The following TOGARAM2 variants were observed in gnomAD, a reference collection of about 807,000 sequenced individuals.
TOGARAM2 encodes the protein TOG array regulator of axonemal microtubules protein 2.
A neutral mutation model predicts 93.3 loss-of-function variants in TOGARAM2; 85 were observed. The observed-to-expected ratio is 0.91, with a 90% CI of 0.76 to 1.09. The LOEUF (loss-of-function observed/expected upper bound fraction) is 1.09, where lower values mean the gene tolerates loss of function less well. TOGARAM2 is among the 50% of genes least tolerant of loss of function. The probability of loss-of-function intolerance (pLI) is 0.00; values close to 1 mark genes in which losing one functional copy is unlikely to be tolerated. For missense variants in TOGARAM2, 1,277 were observed against 1,334.5 expected, an observed-to-expected ratio of 0.96 and a Z score of 0.67; for synonymous variants, 593 against 552.8, an observed-to-expected ratio of 1.07 and a Z score of -1.02.
chr2:28,967,626 A>G (rs2148218830), intron 1 of TOGARAM2, among the ~76,000 whole-genome samples: 1 of 152,176 alleles, frequency 6.6e-6, no homozygotes, highest in Admixed American at 6.5e-5. Context: ...CTTTTCCTAT[A>G]AAGAAATTAA....
At chr2:29,038,125 G>T (rs1666228213) in intron 18 of TOGARAM2, among the ~76,000 whole-genome samples, 1 of 152,138 alleles carries the variant, frequency 6.6e-6, no homozygotes, top group Non-Finnish European at 1.5e-5. Flanking sequence ...CTTATTTGGG[G>T]CCCTGTTGTA....
chr2:29,033,615 G>A (rs1665911748), intron 16 of TOGARAM2, 52 bp downstream of exon 16: 4 of 1,557,284 alleles, frequency 2.6e-6, no homozygotes, highest in East Asian at 2.3e-5. Context: ...TCTGACAGAG[G>A]CATCCTGCTT....
intron 18 of TOGARAM2, among the ~76,000 whole-genome samples, chr2:29,044,189 G>A (rs1666601605): frequency 6.6e-6 from 1 of 152,224 alleles, no homozygotes; most frequent in African/African-American, 2.4e-5. Flanking sequence ...GCTGGGATTG[G>A]GGGCGGGCAC....
chr2:29,027,271 C>T (rs1459947484), intron 14 of TOGARAM2, among the ~76,000 whole-genome samples: 2 of 152,162 alleles, frequency 1.3e-5, no homozygotes, highest in Non-Finnish European at 2.9e-5. Context: ...CTTGTTTCTA[C>T]CTCACCGCAG....
intron 6 of TOGARAM2, among the ~76,000 whole-genome samples, chr2:29,010,794 T>G (rs1190483781): frequency 6.6e-6 from 1 of 152,154 alleles, no homozygotes; most frequent in Non-Finnish European, 1.5e-5. Flanking sequence ...TGACACATAG[T>G]AGGTCTTCAG....
At chr2:29,036,819 T>C (rs1666144079) in intron 18 of TOGARAM2, 62 bp downstream of exon 18, 1 of 1,509,498 alleles carries the variant, frequency 6.6e-7, no homozygotes, top group Non-Finnish European at 9.1e-7. Flanking sequence ...TGCTTGGAAA[T>C]CTGCAAGGTG....
chr2:28,984,259 T>G (rs1384855821), intron 1 of TOGARAM2, among the ~76,000 whole-genome samples: 1 of 152,014 alleles, frequency 6.6e-6, no homozygotes, highest in African/African-American at 2.4e-5. Flanking sequence ...AAAATGTCCC[T>G]CCACAGAAGC....
intron 8 of TOGARAM2, among the ~76,000 whole-genome samples, chr2:29,016,382 CA>C (rs1215213256): frequency 6.6e-6 from 1 of 152,168 alleles, no homozygotes. Context: ...CCTTCCCGTG[CA>C]GCAGCTGGCA....
At chr2:29,029,452 A>T (rs1334813927) in intron 14 of TOGARAM2, among the ~76,000 whole-genome samples, 1 of 152,240 alleles carries the variant, frequency 6.6e-6, no homozygotes, top group Non-Finnish European at 1.5e-5. Context: ...ATGAGGATGC[A>T]AGGGCATAAG....
intron 1 of TOGARAM2, among the ~76,000 whole-genome samples, chr2:28,992,199 A>G (rs763453013): frequency 2.6e-5 from 4 of 152,124 alleles, no homozygotes; most frequent in Non-Finnish European, 5.9e-5. Flanking sequence ...GATATGGATC[A>G]TTCAGTTCCT....
chr2:28,962,911 C>T (rs1572615072), intron 1 of TOGARAM2, among the ~76,000 whole-genome samples: 1 of 151,592 alleles, frequency 6.6e-6, no homozygotes, highest in South Asian at 2.1e-4. Context: ...AAGCCCGGAT[C>T]TCCTGGGCTC....
intron 16 of TOGARAM2, among the ~76,000 whole-genome samples, chr2:29,033,903 C>A (rs1665929834): frequency 6.6e-6 from 1 of 152,070 alleles, no homozygotes; most frequent in African/African-American, 2.4e-5. Context: ...CTTTAACCAC[C>A]AGAGTGGCCA....
chr2:29,029,886 C>T (rs990531513), intron 14 of TOGARAM2, among the ~76,000 whole-genome samples: 5 of 152,050 alleles, frequency 3.3e-5, no homozygotes, highest in African/African-American at 7.2e-5. Context: ...CAAAATCTCA[C>T]GAATCACTAC....
rs555463957 is a variant in TOGARAM2 at position 29,021,886 on chromosome 2, T to C, written c.1361-272T>C. 7.2e-5 allele frequency among the ~76,000 whole-genome samples: 11 copies of C among 152,304 alleles called. No individual in the cohort carries two copies. The East Asian group carries it at 2.1e-3, about 29-fold the overall frequency. The stretch of plus-strand genomic sequence containing the variant: ...TAGTCCCATGACATCATGTGGCTTA[T>C]CACAAATCTGTTTATAAGAATCGCA... On this transcript the variant is annotated intron_variant, in intron 10 of 19. Coordinates refer to ENST00000379558, the MANE Select transcript of TOGARAM2 (RefSeq NM_199280.4).
At chr2:28,995,700 T>C (rs1221356770) in intron 2 of TOGARAM2, among the ~76,000 whole-genome samples, 3 of 152,254 alleles carry the variant, frequency 2.0e-5, no homozygotes, top group African/African-American at 7.2e-5. Flanking sequence ...ACTCCTTTGC[T>C]TTACTGATGT....
upstream of TOGARAM2, among the ~76,000 whole-genome samples, chr2:28,979,552 G>A (rs1226517446): frequency 2.0e-5 from 3 of 152,176 alleles, no homozygotes; most frequent in Non-Finnish European, 4.4e-5. Context: ...CAAGCAGGGG[G>A]TTACCTGCTG....
At chr2:28,991,889 C>T (rs7604887) in intron 1 of TOGARAM2, among the ~76,000 whole-genome samples, 6,091 of 152,254 alleles carry the variant, frequency 0.04, 358 homozygotes, top group East Asian at 0.15. Context: ...TTACTTACCC[C>T]GGGTCGCCCC....
chr2:29,043,304 T>G (rs1666545238), intron 18 of TOGARAM2, among the ~76,000 whole-genome samples: 1 of 152,296 alleles, frequency 6.6e-6, no homozygotes, highest in South Asian at 2.1e-4. Flanking sequence ...CTGGGTACAT[T>G]TTCTCCTCTG....
chr2:29,017,711 A>C, intron 9 of TOGARAM2, 81 bp from the exon 10 acceptor site: 14 of 1,382,758 alleles, frequency 1.0e-5, no homozygotes, highest in Non-Finnish European at 1.2e-5. Context: ...TTGGCCAGCC[A>C]TGGGTCCATT....
Sources: allele counts gnomAD v4.1 joint callset (sites outside exome capture counted in the v4.1 genomes callset), GRCh38; gene constraint gnomAD v4.1.1; transcripts MANE v1.5; gene names NCBI Gene and HGNC (gene_info 2026-07-23, HGNC 2026-07-21).